The following CUL2 variants were observed in gnomAD, a reference collection of about 807,000 sequenced individuals.
CUL2 encodes the protein cullin 2.
Under a neutral mutation model 110.2 loss-of-function variants are expected in CUL2, and 22 were observed. The observed-to-expected ratio is 0.20, with a 90% CI of 0.14 to 0.28. The LOEUF (loss-of-function observed/expected upper bound fraction) is 0.28. Among genes scored for constraint, CUL2 ranks in the 10% least tolerant of loss-of-function variants. The pLI is 1.00. For missense variants in CUL2, 631 were observed against 905.5 expected, an observed-to-expected ratio of 0.70 and a Z score of 3.89; for synonymous variants, 279 against 293.2, an observed-to-expected ratio of 0.95 and a Z score of 0.49.
At chr10:35,051,258 T>C (rs2086099770) in intron 5 of CUL2, among the ~76,000 whole-genome samples, 1 of 149,780 alleles carries the variant, frequency 6.7e-6, no homozygotes, top group Non-Finnish European at 1.5e-5. Context: ...GAGCTTGCAG[T>C]GAGCCGAGAT....
At position 35,022,162 on chromosome 10, in the gene CUL2, A is replaced by G. The variant is rs147647442; in HGVS notation, c.1684+2970T>C. Among the ~76,000 whole-genome samples, 227 of 152,322 alleles carry G rather than the reference A, an allele frequency of 1.5e-3. 1 individual carries two copies. Among genetic ancestry groups the G allele is most frequent in the African/African-American group, 5.1e-3 (213 of 41,572 alleles). ...TTCTGTCCACTTGGCGTTTAGAAGTACCTGAGACATAGAAAATGTTCTTTG... is the reference window on the plus strand; with the variant it reads ...TTCTGTCCACTTGGCGTTTAGAAGTGCCTGAGACATAGAAAATGTTCTTTG... On this transcript the variant is annotated intron_variant, in intron 17 of 20. Coordinates refer to ENST00000374749, the MANE Select transcript of CUL2 (RefSeq NM_003591.4).
chr10:35,055,697 T>C (rs1198105889), intron 4 of CUL2, among the ~76,000 whole-genome samples: 1 of 152,196 alleles, frequency 6.6e-6, no homozygotes, highest in Non-Finnish European at 1.5e-5. Context: ...GATGTACCAT[T>C]TGATATTTTA....
At chr10:35,107,947 G>T (rs1262247001) in intron 1 of CUL2, among the ~76,000 whole-genome samples, 2 of 144,526 alleles carry the variant, frequency 1.4e-5, no homozygotes, top group African/African-American at 2.6e-5. Context: ...TAAGTTAATT[G>T]CTCCTTTTCT....
At chr10:35,032,911 G>C (rs1348641132) in intron 11 of CUL2, among the ~76,000 whole-genome samples, 1 of 152,044 alleles carries the variant, frequency 6.6e-6, no homozygotes, top group African/African-American at 2.4e-5. Context: ...GCAAAATTAT[G>C]CATGTCTATC....
chr10:35,068,725 T>C (rs1305328145), intron 2 of CUL2, among the ~76,000 whole-genome samples: 1 of 152,198 alleles, frequency 6.6e-6, no homozygotes, highest in African/African-American at 2.4e-5. Flanking sequence ...GGACCTGTTT[T>C]TTCCTTTTCA....
Position 35,069,494 on chromosome 10 carries a change from T to C in CUL2, c.119+1705A>G, listed in dbSNP as rs565934432. Reference sequence around the variant, plus strand: ...AGGTTGAGGCTGCAGTGAGCTATAGTCACACCACTGTACTCCAGCCTGGGT... The same window carrying C: ...AGGTTGAGGCTGCAGTGAGCTATAGCCACACCACTGTACTCCAGCCTGGGT... On this transcript the variant is annotated intron_variant, in intron 2 of 20. Coordinates refer to ENST00000374749, the MANE Select transcript of CUL2 (RefSeq NM_003591.4). 2.0e-5 allele frequency among the ~76,000 whole-genome samples: 3 copies of C among 151,476 alleles called. No homozygotes were observed. In the East Asian group the frequency reaches 5.9e-4, roughly 30 times the overall value.
chr10:35,097,379 C>T (rs1393294264), intron 2 of CUL2, among the ~76,000 whole-genome samples: 1 of 151,578 alleles, frequency 6.6e-6, no homozygotes, highest in Non-Finnish European at 1.5e-5. Flanking sequence ...GCAAGACCAG[C>T]CTGGGGAGGC....
intron 17 of CUL2, among the ~76,000 whole-genome samples, chr10:35,022,065 G>A (rs1266895703): frequency 7.1e-6 from 1 of 140,052 alleles, no homozygotes; most frequent in Non-Finnish European, 1.6e-5. Context: ...ACACCGTACT[G>A]TAACTATGTA....
intron 8 of CUL2, among the ~76,000 whole-genome samples, chr10:35,042,425 G>C (rs1225399941): frequency 3.3e-5 from 5 of 152,134 alleles, no homozygotes; most frequent in Non-Finnish European, 7.3e-5. Context: ...CTTAGCCCTA[G>C]TTACAGTCTT....
chr10:35,015,610 A>G (rs978039485), intron 18 of CUL2, among the ~76,000 whole-genome samples: 1 of 152,222 alleles, frequency 6.6e-6, no homozygotes, highest in Non-Finnish European at 1.5e-5. Flanking sequence ...TCTAGGATAT[A>G]CTATGACAAC....
At chr10:35,018,004 A>C (rs1434935961) in intron 17 of CUL2, among the ~76,000 whole-genome samples, 1 of 151,870 alleles carries the variant, frequency 6.6e-6, no homozygotes, top group Non-Finnish European at 1.5e-5. Context: ...TTATAAATGA[A>C]ATTGGGCCAG....
chr10:35,022,163 C>A (rs1321949510), intron 17 of CUL2, among the ~76,000 whole-genome samples: 2 of 151,972 alleles, frequency 1.3e-5, no homozygotes, highest in African/African-American at 4.8e-5. Context: ...TTTAGAAGTA[C>A]CTGAGACATA....
At chr10:35,048,495 A>G (rs2086008791) in intron 6 of CUL2, among the ~76,000 whole-genome samples, 1 of 152,250 alleles carries the variant, frequency 6.6e-6, no homozygotes, top group African/African-American at 2.4e-5. Flanking sequence ...TTTAGAAAGT[A>G]TAACAGTATT....
chr10:35,042,889 C>T (rs546640525), intron 8 of CUL2, among the ~76,000 whole-genome samples: 4 of 152,180 alleles, frequency 2.6e-5, no homozygotes, highest in African/African-American at 9.6e-5. Flanking sequence ...TGACTGGTGT[C>T]TGGGGGTGTG....
intron 4 of CUL2, among the ~76,000 whole-genome samples, chr10:35,056,374 C>A (rs1394028074): frequency 1.3e-5 from 2 of 152,166 alleles, no homozygotes; most frequent in African/African-American, 2.4e-5. Flanking sequence ...ATTGAGATCA[C>A]CTGTCAGACA....
chr10:35,049,589 A>G (rs2134840530), intron 6 of CUL2, 94 bp downstream of exon 6: 1 of 954,892 alleles, frequency 1.0e-6, no homozygotes, highest in East Asian at 2.7e-5. Flanking sequence ...ACCAGCCCCA[A>G]GGCTAGTCAC....
rs919524907 is a variant in CUL2, at chr10:35,035,273, G to C, written c.901C>G (p.Leu301Val). 3.1e-6 allele frequency: 5 copies of C among 1,614,146 alleles called. No individual in the cohort carries two copies. In the Admixed American group the frequency reaches 8.3e-5, roughly 27 times the overall value. ...KNDMANMYVL[L>V]RAVSTGLPHM... The stretch of plus-strand genomic sequence containing the variant: ...GGTAAACCAGTGGACACAGCACGGA[G>C]TAAGACGTACATATTTGCCATGTCT... The change falls in exon 10 of 21, where the codon CTC (leucine) becomes GTC (valine). Residue 301 changes from leucine (L) to valine (V), a missense_variant. By Grantham distance (32) the Leu-to-Val change is conservative. Around this residue, in one of 3 missense-constraint regions of CUL2, gnomAD observed 338 missense variants for 442.5 expected, o/e 0.76. Coordinates refer to ENST00000374749, the MANE Select transcript of CUL2 (RefSeq NM_003591.4).
At chr10:35,051,689 C>A (rs2086116509) in intron 5 of CUL2, among the ~76,000 whole-genome samples, 1 of 152,196 alleles carries the variant, frequency 6.6e-6, no homozygotes, top group South Asian at 2.1e-4. Context: ...GCTGGGAATT[C>A]TTTAATGTTT....
intron 14 of CUL2, among the ~76,000 whole-genome samples, chr10:35,030,584 T>C (rs1472414225): frequency 6.6e-6 from 1 of 152,204 alleles, no homozygotes; most frequent in Non-Finnish European, 1.5e-5. Context: ...GGTTTTGCCA[T>C]GTTTCCCAGG....
Sources: allele counts gnomAD v4.1 joint callset (sites outside exome capture counted in the v4.1 genomes callset), GRCh38; gene constraint gnomAD v4.1.1; regional missense constraint gnomAD v4.1.1; transcripts MANE v1.5; gene names NCBI Gene and HGNC (gene_info 2026-07-23, HGNC 2026-07-21).